Variants in FAM135A observed in about 807,000 individuals in gnomAD.
FAM135A encodes the protein family with sequence similarity 135 member A.
A neutral mutation model predicts 146.8 loss-of-function variants in FAM135A; 79 were observed. The observed-to-expected ratio is 0.54, with a 90% CI of 0.45 to 0.65. The LOEUF (loss-of-function observed/expected upper bound fraction) is 0.65, where lower values mean the gene tolerates loss of function less well. Ranked by LOEUF, FAM135A falls within the 30% of genes least tolerant of loss-of-function variation. The pLI, the probability that FAM135A is intolerant of heterozygous loss-of-function variation, is 0.00. For missense variants in FAM135A, 1,623 were observed against 1,758.2 expected, an observed-to-expected ratio of 0.92 and a Z score of 1.38; for synonymous variants, 562 against 603.6, an observed-to-expected ratio of 0.93 and a Z score of 1.01.
chr6:70,481,601 C>G (rs528959409), intron 9 of FAM135A, among the ~76,000 whole-genome samples: 2 of 151,316 alleles, frequency 1.3e-5, no homozygotes, highest in African/African-American at 2.4e-5. Flanking sequence ...TCACTTCACT[C>G]CAGCCTGGGT....
At position 70,532,844 on chromosome 6, in the gene FAM135A, A is replaced by G. The variant is rs147164144; in HGVS notation, c.3776-316A>G. Among the ~76,000 whole-genome samples the G allele has an allele frequency of 3.4e-3, 523 of 152,274 alleles. 2 individuals carry two copies. Among genetic ancestry groups the G allele is most frequent in the African/African-American group, 0.011 (472 of 41,544 alleles). On this transcript the variant is annotated intron_variant, in intron 16 of 21. Transcript: ENST00000418814. The stretch of plus-strand genomic sequence containing the variant: ...CTACTTGGGAGCTTGAGGCAGGAGA[A>G]TCGCTCGAACCCAGGAGGCGGAGGT...
intron 20 of FAM135A, among the ~76,000 whole-genome samples, chr6:70,546,125 G>A (rs113358915): frequency 6.6e-6 from 1 of 151,836 alleles, no homozygotes; most frequent in Non-Finnish European, 1.5e-5. Context: ...TGCTATGCCT[G>A]TATATTTACA....
At chr6:70,430,808 A>G (rs1215171865) in intron 4 of FAM135A, among the ~76,000 whole-genome samples, 1 of 152,210 alleles carries the variant, frequency 6.6e-6, no homozygotes, top group Non-Finnish European at 1.5e-5. Context: ...TTTCCAACCC[A>G]GCAAGTTCTA....
chr6:70,438,794 A>AG (rs1324309754), intron 4 of FAM135A, among the ~76,000 whole-genome samples: 2 of 152,190 alleles, frequency 1.3e-5, no homozygotes, highest in African/African-American at 4.8e-5. Context: ...AGGAAAAAAA[A>AG]TTCATGCTAG....
intron 11 of FAM135A, 34 bp from the exon 12 acceptor site, chr6:70,502,602 G>T: frequency 6.3e-7 from 1 of 1,587,586 alleles, no homozygotes; most frequent in East Asian, 2.2e-5. Context: ...TTAAATCTTG[G>T]GAAATAGTGA....
chr6:70,436,115 C>T (rs1433787708), intron 4 of FAM135A, among the ~76,000 whole-genome samples: 4 of 149,756 alleles, frequency 2.7e-5, no homozygotes, highest in African/African-American at 4.9e-5. Flanking sequence ...ACCCCAGAGG[C>T]GGAGGTTGCA....
In FAM135A at chr6:70,543,309, CTCTTGAAATATTTG is replaced by C. The variant is rs1270683711; in HGVS notation, c.4228+4909_4228+4922del. ...CCTATCACCCATGTCTTCCATTCTA[CTCTTGAAATATTTG>C]ATATTAATAGATTTAGTTATTGAAA... is the stretch of plus-strand genomic sequence containing the variant. On this transcript the variant is annotated intron_variant, in intron 20 of 21. Coordinates refer to ENST00000418814, the MANE Select transcript of FAM135A (RefSeq NM_001162529.3). 7.2e-5 allele frequency among the ~76,000 whole-genome samples: 11 copies of C among 152,286 alleles called. No homozygotes were observed. The South Asian group carries it at 2.3e-3, about 32-fold the overall frequency.
intron 11 of FAM135A, among the ~76,000 whole-genome samples, chr6:70,498,079 A>G (rs1787709096): frequency 6.6e-6 from 1 of 152,184 alleles, no homozygotes; most frequent in Admixed American, 6.5e-5. Flanking sequence ...CTCTAGTAGA[A>G]TTCGGCTGTG....
chr6:70,475,806 T>G, intron 7 of FAM135A, 73 bp downstream of exon 7: 1 of 1,218,312 alleles, frequency 8.2e-7, no homozygotes, highest in Non-Finnish European at 1.2e-6. Context: ...TTGCCCATTT[T>G]CCTCTTAAAA....
intron 18 of FAM135A, among the ~76,000 whole-genome samples, chr6:70,534,582 G>A (rs112374062): frequency 6.6e-6 from 1 of 151,844 alleles, no homozygotes; most frequent in Non-Finnish European, 1.5e-5. Flanking sequence ...AAAGTGCTGG[G>A]ATTACAGATG....
chr6:70,462,626 TAA>T (rs879867649), intron 5 of FAM135A, among the ~76,000 whole-genome samples: 3 of 145,700 alleles, frequency 2.1e-5, no homozygotes, highest in African/African-American at 2.5e-5. Flanking sequence ...CCAGGTTGGT[TAA>T]AAAAAAAAAA....
chr6:70,463,053 A>T (rs1037714696), intron 5 of FAM135A, among the ~76,000 whole-genome samples: 1 of 152,068 alleles, frequency 6.6e-6, no homozygotes, highest in Non-Finnish European at 1.5e-5. Flanking sequence ...TTATGATTTG[A>T]TCCTATCCTA....
chr6:70,436,570 A>C (rs140228706), intron 4 of FAM135A, among the ~76,000 whole-genome samples: 1 of 152,210 alleles, frequency 6.6e-6, no homozygotes, highest in Non-Finnish European at 1.5e-5. Context: ...AGGGGCTAGT[A>C]AGTTCTGCTT....
At chr6:70,413,972 C>G (rs1195474260) in intron 1 of FAM135A, 1 of 985,688 alleles carries the variant, frequency 1.0e-6, no homozygotes, top group East Asian at 1.1e-4. Flanking sequence ...TGCCCCTGCG[C>G]GCGTCCCTCG....
At chr6:70,463,251 T>G (rs1308733520) in intron 5 of FAM135A, among the ~76,000 whole-genome samples, 1 of 152,046 alleles carries the variant, frequency 6.6e-6, no homozygotes, top group East Asian at 1.9e-4. Context: ...GCTGTCATAG[T>G]CCTTTTTCTT....
intron 4 of FAM135A, among the ~76,000 whole-genome samples, chr6:70,444,259 T>C (rs1284780734): frequency 6.6e-6 from 1 of 152,114 alleles, no homozygotes; most frequent in Admixed American, 6.6e-5. Flanking sequence ...AAAAATTAGC[T>C]GGGCTTTGTG....
intron 12 of FAM135A, among the ~76,000 whole-genome samples, chr6:70,521,972 A>G (rs1296982470): frequency 6.6e-6 from 1 of 152,038 alleles, no homozygotes; most frequent in African/African-American, 2.4e-5. Flanking sequence ...GCTGGAGTGC[A>G]AGGGCGCCAT....
chr6:70,463,472 C>T (rs959822871), intron 5 of FAM135A, among the ~76,000 whole-genome samples: 3 of 151,736 alleles, frequency 2.0e-5, no homozygotes, highest in African/African-American at 7.3e-5. Flanking sequence ...GTTGCCCAGG[C>T]TGGTCTCAAA....
At chr6:70,496,980 G>C (rs1787424948) in intron 11 of FAM135A, among the ~76,000 whole-genome samples, 1 of 152,058 alleles carries the variant, frequency 6.6e-6, no homozygotes, top group Non-Finnish European at 1.5e-5. Flanking sequence ...GATTGTCTTG[G>C]CTATACGGTC....
Sources: allele counts gnomAD v4.1 joint callset (sites outside exome capture counted in the v4.1 genomes callset), GRCh38; gene constraint gnomAD v4.1.1; transcripts MANE v1.5; gene names NCBI Gene and HGNC (gene_info 2026-07-23, HGNC 2026-07-21).